The following ESYT2 variants were observed in gnomAD, a reference collection of about 807,000 sequenced individuals.
ESYT2 encodes extended synaptotagmin-2.
In ESYT2, 54 loss-of-function variants were observed where a neutral mutation model predicts 107.2. That is an observed-to-expected ratio of 0.50 (90% CI 0.40 to 0.63). The LOEUF (loss-of-function observed/expected upper bound fraction) is 0.63, where lower values mean the gene tolerates loss of function less well. Among genes scored for constraint, ESYT2 ranks in the 30% least tolerant of loss-of-function variants. ESYT2 has a pLI of 0.00. For synonymous variants in ESYT2, 491 were observed against 434.1 expected, an observed-to-expected ratio of 1.13 and a Z score of -1.63; for missense variants, 1,020 against 1,094.5, an observed-to-expected ratio of 0.93 and a Z score of 0.96.
At chr7:158,738,143 G>GT (rs887750265) in intron 19 of ESYT2, among the ~76,000 whole-genome samples, 5 of 151,848 alleles carry the variant, frequency 3.3e-5, no homozygotes, top group Non-Finnish European at 7.4e-5. Flanking sequence ...GTGAAACCCC[G>GT]TGTCTACTAA....
chr7:158,791,398 A>G (rs1839288132), intron 4 of ESYT2, among the ~76,000 whole-genome samples: 1 of 152,174 alleles, frequency 6.6e-6, no homozygotes, highest in African/African-American at 2.4e-5. Context: ...GGGTGTGCAA[A>G]TATCTGCTCA....
chr7:158,751,532 T>A (rs1193379615), intron 14 of ESYT2, among the ~76,000 whole-genome samples: 2 of 152,222 alleles, frequency 1.3e-5, no homozygotes, highest in African/African-American at 4.8e-5. Context: ...AAATATTGCA[T>A]CTATCTGAAC....
rs559825841 is a variant in ESYT2, at chr7:158,773,938, T to C, written c.748-542A>G. On this transcript the variant is annotated intron_variant, in intron 6 of 22. Transcript: ENST00000275418. ...GCCAGCCTATCTGGCAGTTAAATAA[T>C]GGACTTTATCATTGTTTTACTTTGT... Among the ~76,000 whole-genome samples the C allele has an allele frequency of 2.2e-4, 34 of 152,334 alleles. 1 individual carries two copies. The South Asian group carries it at 5.8e-3, about 26-fold the overall frequency.
At chr7:158,786,972 G>A (rs1369936309) in intron 6 of ESYT2, among the ~76,000 whole-genome samples, 2 of 152,202 alleles carry the variant, frequency 1.3e-5, no homozygotes. Flanking sequence ...AAGGGGTGAA[G>A]AAAGCCTTCT....
intron 6 of ESYT2, among the ~76,000 whole-genome samples, chr7:158,784,586 G>C (rs6459901): frequency 0.16 from 24,132 of 152,246 alleles, 3,250 homozygotes; most frequent in East Asian, 0.55. Context: ...GAGGTGGAGA[G>C]AGTCACGAAG....
intron 1 of ESYT2, among the ~76,000 whole-genome samples, chr7:158,817,926 T>C (rs970478060): frequency 1.3e-5 from 2 of 152,202 alleles, no homozygotes; most frequent in Admixed American, 6.5e-5. Flanking sequence ...TACTCCAGTA[T>C]AATATTTATG....
intron 1 of ESYT2, among the ~76,000 whole-genome samples, chr7:158,811,659 A>C (rs1197954428): frequency 6.6e-6 from 1 of 152,218 alleles, no homozygotes; most frequent in African/African-American, 2.4e-5. Flanking sequence ...CGGAGACCAC[A>C]GAGTGGTGAG....
chr7:158,764,592 C>T (rs572002294), intron 9 of ESYT2, 85 bp downstream of exon 9: 94 of 1,379,588 alleles, frequency 6.8e-5, no homozygotes, highest in South Asian at 3.9e-4. Flanking sequence ...CACACTCCCA[C>T]GTGACTGTGC....
intron 21 of ESYT2, 79 bp downstream of exon 21, chr7:158,735,424 T>C (rs971896461): frequency 6.8e-6 from 8 of 1,183,746 alleles, no homozygotes; most frequent in Admixed American, 1.9e-5. Context: ...TACACAGACA[T>C]GGTCTAAACA....
intron 15 of ESYT2, 61 bp downstream of exon 15, chr7:158,749,588 G>A (rs941835752): frequency 1.4e-5 from 22 of 1,539,974 alleles, no homozygotes; most frequent in Middle Eastern, 1.7e-4. Flanking sequence ...CAGGTGAGAC[G>A]GCAACACGGA....
At chr7:158,766,100 C>T (rs1396255956) in intron 8 of ESYT2, among the ~76,000 whole-genome samples, 30 of 151,686 alleles carry the variant, frequency 2.0e-4, no homozygotes, top group Non-Finnish European at 1.5e-5. Context: ...ATTCGGGAGG[C>T]GGAGCTTGCA....
chr7:158,803,622 T>C (rs1428854878), intron 1 of ESYT2, among the ~76,000 whole-genome samples: 1 of 152,246 alleles, frequency 6.6e-6, no homozygotes, highest in Non-Finnish European at 1.5e-5. Context: ...TCAGAAAGAC[T>C]TGCAGAAAGT....
intron 3 of ESYT2, among the ~76,000 whole-genome samples, chr7:158,795,946 G>A (rs1345530489): frequency 6.6e-6 from 1 of 152,220 alleles, no homozygotes; most frequent in Non-Finnish European, 1.5e-5. Context: ...TGGAGTAACT[G>A]CTTCTGAGAC....
In ESYT2 at chr7:158,731,071, T is replaced by C. The variant is rs1032372508; in HGVS notation, c.*3136A>G. 2.6e-5 allele frequency: 4 copies of C among 152,174 alleles called. No homozygotes were observed. The highest frequency in any genetic ancestry group is 5.9e-5 in the Non-Finnish European group (4 of 68,046). The allele number at this position is 152,174 out of a possible 1,614,324, so 9.4% of individuals were successfully genotyped here. A position where few individuals can be genotyped will look rare whatever the true frequency, so the allele number is the denominator to read the frequency against. On this transcript the variant is annotated 3_prime_UTR_variant, in exon 23 of 23. Coordinates refer to ENST00000275418, the MANE Select transcript of ESYT2 (RefSeq NM_001367773.1). ...AATTAGTTGAACAGAAAGGAGGTTCTCTACTTTTTAACCCCCATCCCCCAC... is the reference window on the plus strand; with the variant it reads ...AATTAGTTGAACAGAAAGGAGGTTCCCTACTTTTTAACCCCCATCCCCCAC...
At chr7:158,757,600 A>G (rs1837805981) in intron 13 of ESYT2, among the ~76,000 whole-genome samples, 1 of 151,558 alleles carries the variant, frequency 6.6e-6, no homozygotes, top group South Asian at 2.1e-4. Flanking sequence ...GACGCCCCTT[A>G]ATCCAGAGCC....
In ESYT2 at chr7:158,733,202, G is replaced by C. The variant is rs1054644217; in HGVS notation, c.*1005C>G. 1.3e-5 allele frequency: 2 copies of C among 152,186 alleles called. No individual in the cohort carries two copies. Among genetic ancestry groups the C allele is most frequent in the African/African-American group, 4.8e-5 (2 of 41,442 alleles). 9.4% of individuals were successfully genotyped at this position (152,186 alleles called of 1,614,324 possible). ...CACTGGGGGTTCCTGACAATAATGA[G>C]ATCGAGCTTTCAATTTTTAATGCAA... On this transcript the variant is annotated 3_prime_UTR_variant, in exon 23 of 23. Coordinates refer to ENST00000275418, the MANE Select transcript of ESYT2 (RefSeq NM_001367773.1).
chr7:158,815,506 C>A (rs1322635915), intron 1 of ESYT2, among the ~76,000 whole-genome samples: 3 of 152,126 alleles, frequency 2.0e-5, no homozygotes, highest in African/African-American at 7.2e-5. Flanking sequence ...TGTCCCCAGT[C>A]CCTCTGGATA....
chr7:158,782,556 C>G (rs572389162), intron 6 of ESYT2, among the ~76,000 whole-genome samples: 1 of 130,110 alleles, frequency 7.7e-6, no homozygotes, highest in Non-Finnish European at 1.7e-5. Flanking sequence ...TGAGAAGCAG[C>G]GGGAAAGTGG....
chr7:158,743,395 G>A, intron 17 of ESYT2, 134 bp downstream of exon 17: 1 of 1,110,100 alleles, frequency 9.0e-7, no homozygotes, highest in Non-Finnish European at 1.3e-6. Context: ...CCCTGCACCG[G>A]CGCCCTCCTG....
Sources: allele counts gnomAD v4.1 joint callset (sites outside exome capture counted in the v4.1 genomes callset), GRCh38; gene constraint gnomAD v4.1.1; transcripts MANE v1.5; gene names NCBI Gene and HGNC (gene_info 2026-07-23, HGNC 2026-07-21).